Variants in ABCD2 observed in about 807,000 individuals in gnomAD.
ABCD2 encodes the protein ATP binding cassette subfamily D member 2.
In ABCD2, 36 loss-of-function variants were observed where a neutral mutation model predicts 70.9. The ratio of observed to expected loss-of-function variants is 0.51; its 90% CI spans 0.39 to 0.67. The LOEUF (loss-of-function observed/expected upper bound fraction) is 0.67, where lower values mean the gene tolerates loss of function less well. Ranked by LOEUF, ABCD2 falls within the 30% of genes least tolerant of loss-of-function variation. The pLI is 0.00. For missense variants in ABCD2, 729 were observed against 890.2 expected (o/e 0.82, Z 2.30); for synonymous variants, 304 against 306.9 (o/e 0.99, Z 0.10).
In ABCD2 at chr12:39,550,959, A is replaced by G. The variant is rs552467862; in HGVS notation, c.*2953T>C. 4 of 151,892 alleles carry G rather than the reference A, an allele frequency of 2.6e-5. No homozygotes were observed. In the East Asian group the frequency reaches 7.7e-4, roughly 29 times the overall value. 9.4% of individuals were successfully genotyped at this position (151,892 alleles called of 1,614,324 possible). A position where few individuals can be genotyped will look rare whatever the true frequency, so the allele number is the denominator to read the frequency against. ...AACTATACTTGGAACCAATGTTTCA[A>G]ATAAAAACTAGGATATTCATTTATG... On this transcript the variant is annotated 3_prime_UTR_variant, in exon 10 of 10. Transcript: ENST00000308666.
At chr12:39,540,092 C>T in the ABCD2 span, among the ~76,000 whole-genome samples, 1 of 152,214 alleles carries the variant, frequency 6.6e-6, no homozygotes, top group Non-Finnish European at 1.5e-5. Context: ...GTCTGGCCCA[C>T]CTAACAGCCG....
chr12:39,561,525 A>G (rs1941259005), intron 9 of ABCD2, among the ~76,000 whole-genome samples: 1 of 152,214 alleles, frequency 6.6e-6, no homozygotes, highest in South Asian at 2.1e-4. Flanking sequence ...ATTTTATCCA[A>G]ATGAAAACTA....
the ABCD2 span, among the ~76,000 whole-genome samples, chr12:39,539,354 T>C: frequency 2.6e-5 from 4 of 152,222 alleles, no homozygotes; most frequent in African/African-American, 9.6e-5. Flanking sequence ...ACAGAACATG[T>C]CCTAATTAGC....
intron 4 of ABCD2, 69 bp from the exon 5 acceptor site, chr12:39,604,075 A>G: frequency 9.3e-7 from 1 of 1,076,314 alleles, no homozygotes; most frequent in South Asian, 1.3e-5. Flanking sequence ...GTAAATTATT[A>G]TGCAGTATAA....
the ABCD2 span, chr12:39,539,435 C>G: frequency 6.6e-6 from 1 of 152,402 alleles, no homozygotes; most frequent in African/African-American, 2.4e-5. Flanking sequence ...TAAACATATG[C>G]AAACTACAGG....
intron 6 of ABCD2, among the ~76,000 whole-genome samples, chr12:39,593,729 G>T (rs1023670119): frequency 1.2e-4 from 18 of 152,078 alleles, no homozygotes; most frequent in African/African-American, 4.1e-4. Flanking sequence ...ATGACATAAA[G>T]GGTAAGTCAT....
At position 39,619,159 on chromosome 12, in the gene ABCD2, T is replaced by C; in HGVS notation, c.457A>G (p.Ile153Val). Residue 153 changes from isoleucine to valine, a missense_variant, in exon 1 of 10, where the codon ATT becomes GTT. By Grantham distance (29) the Ile-to-Val change is conservative. Coordinates refer to ENST00000308666, the MANE Select transcript of ABCD2 (RefSeq NM_005164.4). ...FIIKLIKWLM[I>V]AIPATFVNSA... ...TTGACGAAGGTAGCAGGGATGGCAATCATAAGCCACTTGATTAATTTGATG... is the reference window on the plus strand; with the variant it reads ...TTGACGAAGGTAGCAGGGATGGCAACCATAAGCCACTTGATTAATTTGATG... 1 of 1,614,210 alleles carries C rather than the reference T, an allele frequency of 6.2e-7. No individual in the cohort carries two copies. Among genetic ancestry groups the C allele is most frequent in the East Asian group, 2.2e-5 (1 of 44,888 alleles).
chr12:39,538,084 A>G, the ABCD2 span, among the ~76,000 whole-genome samples: 2 of 151,796 alleles, frequency 1.3e-5, no homozygotes. Context: ...GGGTATTTAA[A>G]CCCCCCAAAA....
chr12:39,568,497 T>G (rs1163888466), intron 9 of ABCD2, among the ~76,000 whole-genome samples: 2 of 152,262 alleles, frequency 1.3e-5, no homozygotes, highest in Non-Finnish European at 2.9e-5. Flanking sequence ...TAAGGACTTC[T>G]CTGCATTGGT....
chr12:39,555,354 G>A (rs1281782669), intron 9 of ABCD2, among the ~76,000 whole-genome samples: 2 of 152,110 alleles, frequency 1.3e-5, no homozygotes, highest in South Asian at 2.1e-4. Flanking sequence ...AAAGGGTGGA[G>A]GAAGATGGTG....
the ABCD2 span, among the ~76,000 whole-genome samples, chr12:39,537,487 T>C: frequency 6.6e-6 from 1 of 152,238 alleles, no homozygotes; most frequent in Non-Finnish European, 1.5e-5. Flanking sequence ...AGGATTTAGA[T>C]TTTAACATTT....
At position 39,604,760 on chromosome 12, in the gene ABCD2, A is replaced by T; in HGVS notation, c.1405+2T>A. 1 of 1,580,816 alleles carries T rather than the reference A, an allele frequency of 6.3e-7. No homozygotes were observed. Among genetic ancestry groups the T allele is most frequent in the Non-Finnish European group, 8.6e-7 (1 of 1,168,436 alleles). On this transcript the variant is annotated splice_donor_variant, in intron 4 of 9. Coordinates refer to ENST00000308666, the MANE Select transcript of ABCD2 (RefSeq NM_005164.4). LOFTEE classifies it high-confidence loss of function. Reference sequence around the variant, plus strand: ...AAATATAAAAGCACTTGAGTTTAATACCTTTAATTGCCAATGTGTCACTGA... The same window carrying T: ...AAATATAAAAGCACTTGAGTTTAATTCCTTTAATTGCCAATGTGTCACTGA...
chr12:39,557,039 G>A (rs556919907), intron 9 of ABCD2, among the ~76,000 whole-genome samples: 3 of 152,122 alleles, frequency 2.0e-5, no homozygotes, highest in Non-Finnish European at 4.4e-5. Context: ...CTGGGTAACA[G>A]GCAGAGATTG....
At chr12:39,613,124 CG>C (rs1297465368) in intron 2 of ABCD2, among the ~76,000 whole-genome samples, 2 of 137,684 alleles carry the variant, frequency 1.5e-5, no homozygotes, top group Non-Finnish European at 3.0e-5. Context: ...CGGTGGCTCA[CG>C]CCTGTAATCC....
chr12:39,542,049 C>G, the ABCD2 span, among the ~76,000 whole-genome samples: 2 of 152,240 alleles, frequency 1.3e-5, no homozygotes, highest in South Asian at 2.1e-4. Context: ...GGCAAATGCT[C>G]TATTTCTTAA....
intron 9 of ABCD2, among the ~76,000 whole-genome samples, chr12:39,558,783 A>G (rs965870107): frequency 2.0e-5 from 3 of 152,188 alleles, no homozygotes; most frequent in Non-Finnish European, 2.9e-5. Context: ...GCAGTTCTTT[A>G]TAGCAGTATG....
chr12:39,570,455 C>T (rs1941431599), intron 9 of ABCD2, among the ~76,000 whole-genome samples: 1 of 152,102 alleles, frequency 6.6e-6, no homozygotes, highest in Admixed American at 6.5e-5. Context: ...AACTGATTTT[C>T]AACAAAGTTG....
Position 39,593,505 on chromosome 12 carries a change from G to A in ABCD2, c.1646+7066C>T, listed in dbSNP as rs144349383. Among the ~76,000 whole-genome samples, 527 of 152,232 alleles carry A rather than the reference G, an allele frequency of 3.5e-3. 1 individual carries two copies. The highest frequency in any genetic ancestry group is 0.012 in the African/African-American group (514 of 41,528). On this transcript the variant is annotated intron_variant, in intron 6 of 9. Transcript: ENST00000308666. The stretch of plus-strand genomic sequence containing the variant: ...GGCCTCAAGTGATTATCCAACCTCA[G>A]CCTCCTAAAGTGCTGGGATTACAGT...
downstream of ABCD2, among the ~76,000 whole-genome samples, chr12:39,548,292 T>C (rs1352458867): frequency 6.6e-6 from 1 of 152,116 alleles, no homozygotes; most frequent in Non-Finnish European, 1.5e-5. Context: ...AGGTTAGGTA[T>C]ATTAAATGTA....
Sources: gnomAD v4.1 joint callset for allele counts (sites outside exome capture counted in the v4.1 genomes callset) on GRCh38, gnomAD v4.1.1 for gene constraint, MANE v1.5 for transcripts, NCBI Gene and HGNC (gene_info 2026-07-23, HGNC 2026-07-21) for gene names.